The following JARID2 variants were observed in gnomAD, a reference collection of about 807,000 sequenced individuals.
JARID2 encodes the protein protein Jumonji.
Under a neutral mutation model 125.6 loss-of-function variants are expected in JARID2, and 21 were observed. The ratio of observed to expected loss-of-function variants is 0.17; its 90% CI spans 0.12 to 0.24. The LOEUF is 0.24. Ranked by LOEUF, JARID2 falls within the 10% of genes least tolerant of loss-of-function variation. The pLI, the probability that JARID2 is intolerant of heterozygous loss-of-function variation, is 1.00. For synonymous variants in JARID2, 736 were observed against 661.6 expected (o/e 1.11, Z -1.73); for missense variants, 1,303 against 1,639.6 (o/e 0.79, Z 3.55).
At chr6:15,282,530 TTC>T (rs1052747723) in intron 1 of JARID2, among the ~76,000 whole-genome samples, 1 of 151,968 alleles carries the variant, frequency 6.6e-6, no homozygotes, top group East Asian at 1.9e-4. Flanking sequence ...CTCTCTTTTG[TTC>T]TCTCTCTTTC....
intron 1 of JARID2, among the ~76,000 whole-genome samples, chr6:15,249,811 A>T (rs779333213): frequency 6.6e-6 from 1 of 152,222 alleles, no homozygotes. Flanking sequence ...TGAGAAACTC[A>T]TAAGTTGCAG....
chr6:15,411,112 C>T (rs2127569759), intron 3 of JARID2, among the ~76,000 whole-genome samples: 1 of 152,004 alleles, frequency 6.6e-6, no homozygotes, highest in South Asian at 2.1e-4. Flanking sequence ...CCTTTGTTCT[C>T]TTTATGTTTA....
intron 1 of JARID2, among the ~76,000 whole-genome samples, chr6:15,272,141 A>G (rs1185006365): frequency 6.6e-6 from 1 of 152,242 alleles, no homozygotes; most frequent in East Asian, 1.9e-4. Flanking sequence ...ACGAAAAAAC[A>G]GCAGAAAAAC....
chr6:15,432,073 A>G (rs1386072875), intron 3 of JARID2, among the ~76,000 whole-genome samples: 1 of 151,922 alleles, frequency 6.6e-6, no homozygotes, highest in Admixed American at 6.6e-5. Flanking sequence ...GTTTTGAACA[A>G]AGAATTGGAC....
At chr6:15,370,702 C>T (rs918425537) in intron 1 of JARID2, among the ~76,000 whole-genome samples, 1 of 152,088 alleles carries the variant, frequency 6.6e-6, no homozygotes, top group Admixed American at 6.6e-5. Flanking sequence ...AATGATATAG[C>T]CACAGCAGAG....
intron 6 of JARID2, among the ~76,000 whole-genome samples, chr6:15,494,561 G>A (rs889743073): frequency 2.0e-5 from 3 of 151,754 alleles, no homozygotes; most frequent in South Asian, 4.2e-4. Context: ...GGCGCACACC[G>A]CCACACCCAG....
intron 8 of JARID2, among the ~76,000 whole-genome samples, chr6:15,502,269 G>A (rs1770776811): frequency 6.6e-6 from 1 of 152,242 alleles, no homozygotes; most frequent in Non-Finnish European, 1.5e-5. Context: ...AGCAAGGCTT[G>A]GGGTTTCCTC....
chr6:15,426,552 G>A (rs1288524260), intron 3 of JARID2, among the ~76,000 whole-genome samples: 5 of 152,168 alleles, frequency 3.3e-5, no homozygotes, highest in African/African-American at 9.7e-5. Flanking sequence ...CTTAAGTGTT[G>A]GCTCCCAAAT....
chr6:15,380,594 A>G (rs751170054), intron 2 of JARID2, among the ~76,000 whole-genome samples: 1 of 152,188 alleles, frequency 6.6e-6, no homozygotes, highest in African/African-American at 2.4e-5. Context: ...CGGATGGTGC[A>G]TGGATGTTTT....
chr6:15,494,665 C>T (rs1215346556), intron 6 of JARID2, among the ~76,000 whole-genome samples: 2 of 152,194 alleles, frequency 1.3e-5, no homozygotes, highest in South Asian at 4.1e-4. Flanking sequence ...GCCTCGGCCT[C>T]CCAAAGTGCT....
At chr6:15,473,126 A>G (rs1006158110) in intron 5 of JARID2, among the ~76,000 whole-genome samples, 1 of 152,246 alleles carries the variant, frequency 6.6e-6, no homozygotes, top group African/African-American at 2.4e-5. Flanking sequence ...GCTCAAACTC[A>G]TTTTATTGTG....
At chr6:15,448,861 T>A (rs1045440514) in intron 3 of JARID2, among the ~76,000 whole-genome samples, 4 of 152,126 alleles carry the variant, frequency 2.6e-5, no homozygotes, top group African/African-American at 9.7e-5. Flanking sequence ...TTGAGAAACC[T>A]CTGCAGTTTG....
intron 7 of JARID2, 64 bp from the exon 8 acceptor site, chr6:15,500,841 ATG>A (rs1212799440): frequency 2.9e-6 from 4 of 1,400,620 alleles, no homozygotes; most frequent in Non-Finnish European, 3.9e-6. Flanking sequence ...TACAGGTTGA[ATG>A]AGGAACATCT....
rs543068153 is a variant in JARID2, at chr6:15,501,190, C to T, written c.2229C>T (p.Asn743=). ...RKGPLEGHTE[N]DHHKFHPLPR... is the part of the protein sequence containing the mutation. ...GGCCGCTGGAAGGCCACACAGAGAA[C>T]GACCACCACAAGTTCCACCCTCTGC... Residue 743 remains asparagine, a synonymous_variant, in exon 8 of 18, where the codon AAC becomes AAT. Coordinates refer to ENST00000341776, the MANE Select transcript of JARID2 (RefSeq NM_004973.4). 4.3e-6 allele frequency: 7 copies of T among 1,613,930 alleles called. No homozygotes were observed. The highest frequency in any genetic ancestry group is 1.6e-4 in the Middle Eastern group (1 of 6,084).
chr6:15,343,390 C>A (rs977814269), intron 1 of JARID2, among the ~76,000 whole-genome samples: 1 of 150,928 alleles, frequency 6.6e-6, no homozygotes, highest in African/African-American at 2.4e-5. Context: ...TCATTAAGTT[C>A]TCTTCAAATG....
intron 1 of JARID2, among the ~76,000 whole-genome samples, chr6:15,288,117 AT>A (rs1761070827): frequency 6.6e-6 from 1 of 152,224 alleles, no homozygotes; most frequent in African/African-American, 2.4e-5. Context: ...ATATTAGGCC[AT>A]TCTTGGATTG....
chr6:15,323,720 T>G (rs934431743), intron 1 of JARID2, among the ~76,000 whole-genome samples: 1 of 152,006 alleles, frequency 6.6e-6, no homozygotes, highest in East Asian at 1.9e-4. Flanking sequence ...CATGGTGAGA[T>G]TCTCTCTTTA....
At chr6:15,428,942 A>C (rs10660090) in intron 3 of JARID2, among the ~76,000 whole-genome samples, 34,389 of 114,162 alleles carry the variant, frequency 0.3, 5,015 homozygotes, top group East Asian at 0.42. Flanking sequence ...CCCCCCCCCA[A>C]AAAAAAAAAA....
intron 3 of JARID2, among the ~76,000 whole-genome samples, chr6:15,438,096 G>T (rs1340348153): frequency 6.6e-6 from 1 of 152,202 alleles, no homozygotes; most frequent in African/African-American, 2.4e-5. Context: ...GGGTTGTGGG[G>T]TGGTGGGATG....
Sources: gnomAD v4.1 joint callset for allele counts (sites outside exome capture counted in the v4.1 genomes callset) on GRCh38, gnomAD v4.1.1 for gene constraint, MANE v1.5 for transcripts, NCBI Gene and HGNC (gene_info 2026-07-23, HGNC 2026-07-21) for gene names.